The following PCDHA2 variants were observed in gnomAD, a reference collection of about 807,000 sequenced individuals.
The protein encoded by PCDHA2 is protocadherin alpha 2.
PCDHA2 carries 58 observed loss-of-function variants against 66.0 expected under a neutral mutation model. The observed-to-expected ratio is 0.88, with a 90% CI of 0.71 to 1.09. The LOEUF (loss-of-function observed/expected upper bound fraction) is 1.09. Among genes scored for constraint, PCDHA2 ranks in the 50% least tolerant of loss-of-function variants. The pLI is 0.00. For synonymous variants in PCDHA2, 634 were observed against 554.0 expected, an observed-to-expected ratio of 1.14 and a Z score of -2.03; for missense variants, 1,267 against 1,242.3, an observed-to-expected ratio of 1.02 and a Z score of -0.30.
At chr5:140,958,374 A>G (rs953397625) in intron 1 of PCDHA2, among the ~76,000 whole-genome samples, 3 of 152,134 alleles carry the variant, frequency 2.0e-5, no homozygotes, top group African/African-American at 7.2e-5. Context: ...GAATGTTGCT[A>G]TTTTCTTAAC....
At chr5:140,835,889 C>T (rs1774023862) in intron 1 of PCDHA2, 2 of 1,611,938 alleles carry the variant, frequency 1.2e-6, no homozygotes, top group East Asian at 2.2e-5. Context: ...TGGGCGAGCG[C>T]GCGCTGTCGA....
intron 1 of PCDHA2, chr5:140,929,409 T>G: frequency 6.6e-7 from 1 of 1,506,206 alleles, no homozygotes; most frequent in Non-Finnish European, 8.9e-7. Context: ...GACAAGCCTT[T>G]CACAACATTT....
chr5:140,828,171 G>A, intron 1 of PCDHA2: 1 of 1,614,150 alleles, frequency 6.2e-7, no homozygotes, highest in Non-Finnish European at 8.5e-7. Context: ...TGGAAGGTGG[G>A]GAGCGGCCAG....
chr5:140,933,494 T>C (rs901456699), intron 1 of PCDHA2, among the ~76,000 whole-genome samples: 3 of 152,110 alleles, frequency 2.0e-5, no homozygotes, highest in Non-Finnish European at 4.4e-5. Context: ...TTCTTTAGAA[T>C]TGTTAAGCAA....
Position 140,829,281 on chromosome 5 carries a change from T to C in PCDHA2, c.2388+31929T>C, listed in dbSNP as rs2150165125. 4 of 1,614,256 alleles carry C rather than the reference T, an allele frequency of 2.5e-6. No individual in the cohort carries two copies. The South Asian group carries it at 4.4e-5, about 18-fold the overall frequency. ...CTGACGCCTCACGTCCCTTTCAAGCTGGTGTCCACCTTCAAGAATTACTAC... is the reference window on the plus strand; with the variant it reads ...CTGACGCCTCACGTCCCTTTCAAGCCGGTGTCCACCTTCAAGAATTACTAC... On this transcript the variant is annotated intron_variant, in intron 1 of 3. Coordinates refer to ENST00000526136, the MANE Select transcript of PCDHA2 (RefSeq NM_018905.3).
chr5:140,961,622 A>G (rs2095624628), intron 1 of PCDHA2, among the ~76,000 whole-genome samples: 1 of 152,218 alleles, frequency 6.6e-6, no homozygotes, highest in Non-Finnish European at 1.5e-5. Flanking sequence ...AAGTGCCCAT[A>G]TGAAAAACAA....
At chr5:140,837,117 T>C (rs1774919883) in intron 1 of PCDHA2, 1 of 157,306 alleles carries the variant, frequency 6.4e-6, no homozygotes, top group African/African-American at 2.4e-5. Flanking sequence ...ATATGTTACC[T>C]AATATTTTAT....
intron 1 of PCDHA2, among the ~76,000 whole-genome samples, chr5:140,886,777 G>A (rs2061124221): frequency 1.4e-5 from 2 of 140,408 alleles, no homozygotes; most frequent in South Asian, 4.7e-4. Flanking sequence ...AGTGAGATGA[G>A]ATCATGCTAC....
chr5:140,802,359 T>G (rs1762895726), intron 1 of PCDHA2: 1 of 1,614,154 alleles, frequency 6.2e-7, no homozygotes, highest in African/African-American at 1.3e-5. Context: ...GGTCACCTGC[T>G]CGCTGACGCC....
intron 1 of PCDHA2, chr5:140,842,447 G>T (rs200777298): frequency 6.2e-7 from 1 of 1,613,672 alleles, no homozygotes; most frequent in African/African-American, 1.3e-5. Flanking sequence ...TAGCGTGAAC[G>T]ACCTCGATTC....
At position 140,884,423 on chromosome 5, in the gene PCDHA2, A is replaced by G. The variant is rs2060160830; in HGVS notation, c.2388+87071A>G. The G allele has an allele frequency of 1.2e-6, 2 of 1,613,932 alleles. No individual in the cohort carries two copies. Among genetic ancestry groups the G allele is most frequent in the African/African-American group, 1.3e-5 (1 of 75,050 alleles). On this transcript the variant is annotated intron_variant, in intron 1 of 3. Coordinates refer to ENST00000526136, the MANE Select transcript of PCDHA2 (RefSeq NM_018905.3). ...GTTGGTGCTCACGTTGCTGCTGTAT[A>G]CTGCGCTGCGGTGCTCGGCACCGCC...
intron 1 of PCDHA2, among the ~76,000 whole-genome samples, chr5:140,961,843 G>T (rs1244708157): frequency 1.3e-5 from 2 of 151,972 alleles, no homozygotes; most frequent in Non-Finnish European, 2.9e-5. Flanking sequence ...CAGTGCCTTG[G>T]AAGATCATTT....
rs200338376 is a variant in PCDHA2, at chr5:140,927,680, G to C, written c.2389-51269G>C. On this transcript the variant is annotated intron_variant, in intron 1 of 3. Transcript: ENST00000526136. ...GTTCAAGCCTTGGATCCAGATGAAGGGTCCAATGGGGAAGTCCAGTACTCC... is the reference window on the plus strand; with the variant it reads ...GTTCAAGCCTTGGATCCAGATGAAGCGTCCAATGGGGAAGTCCAGTACTCC... The C allele has an allele frequency of 2.2e-5, 36 of 1,614,022 alleles. No individual in the cohort carries two copies. The Admixed American group carries it at 4.5e-4, about 20-fold the overall frequency.
chr5:140,923,451 C>T (rs1256990906), intron 1 of PCDHA2, among the ~76,000 whole-genome samples: 2 of 151,914 alleles, frequency 1.3e-5, no homozygotes, highest in African/African-American at 4.8e-5. Context: ...TCACCTGAGC[C>T]CAGAGAGGTA....
chr5:140,857,501 G>T, intron 1 of PCDHA2: 1 of 1,598,358 alleles, frequency 6.3e-7, no homozygotes. Context: ...GGACGCGCAG[G>T]AGAACGCCCT....
intron 1 of PCDHA2, chr5:140,967,010 C>G: frequency 6.2e-7 from 1 of 1,606,340 alleles, no homozygotes. Flanking sequence ...CATCAACCAT[C>G]TGGGTGCGCC....
intron 1 of PCDHA2, chr5:140,809,824 C>A: frequency 2.6e-6 from 1 of 381,262 alleles, no homozygotes; most frequent in Non-Finnish European, 4.6e-6. Context: ...TATATTCACC[C>A]TCTTTGTTTT....
chr5:140,796,842 A>C lies in PCDHA2; in HGVS notation c.1878A>C (p.Leu626=). Residue 626 remains leucine, a synonymous_variant, in exon 1 of 4, where the codon CTA becomes CTC. Coordinates refer to ENST00000526136, the MANE Select transcript of PCDHA2 (RefSeq NM_018905.3). ...GSARIPFRVG[L]YTGEISTTRA... is the part of the protein sequence containing the mutation. ...CTCGCATCCCGTTCCGCGTGGGGCTATACACGGGTGAGATCAGCACGACAC... is the reference window on the plus strand; with the variant it reads ...CTCGCATCCCGTTCCGCGTGGGGCTCTACACGGGTGAGATCAGCACGACAC... 6.2e-7 allele frequency: 1 copy of C among 1,614,084 alleles called. No individual in the cohort carries two copies. The highest frequency in any genetic ancestry group is 8.5e-7 in the Non-Finnish European group (1 of 1,179,970).
intron 1 of PCDHA2, among the ~76,000 whole-genome samples, chr5:140,972,920 C>T (rs1343772789): frequency 6.6e-6 from 1 of 152,048 alleles, no homozygotes; most frequent in East Asian, 1.9e-4. Context: ...CCTTGGCCTC[C>T]CAAAGTGCTG....
Sources: gnomAD v4.1 joint callset for allele counts (sites outside exome capture counted in the v4.1 genomes callset) on GRCh38, gnomAD v4.1.1 for gene constraint, MANE v1.5 for transcripts, NCBI Gene and HGNC (gene_info 2026-07-23, HGNC 2026-07-21) for gene names.